JAM3: variants seen among roughly 807,000 people sequenced by gnomAD.
JAM3 encodes junctional adhesion molecule 3.
Under a neutral mutation model 39.4 loss-of-function variants are expected in JAM3, and 31 were observed. The ratio of observed to expected loss-of-function variants is 0.79; its 90% CI spans 0.59 to 1.06. JAM3 has a LOEUF of 1.06. JAM3 is among the 50% of genes least tolerant of loss of function. The pLI is 0.00. For missense variants in JAM3, 455 were observed against 391.4 expected (o/e 1.16, Z -1.37); for synonymous variants, 182 against 148.7 (o/e 1.22, Z -1.63).
chr11:134,140,795 T>C (rs1942960210), intron 3 of JAM3, 25 bp downstream of exon 3: 2 of 1,596,034 alleles, frequency 1.3e-6, no homozygotes, highest in Non-Finnish European at 8.5e-7. Context: ...TCCTCTTGCC[T>C]GCTGACCTTT....
chr11:134,126,039 TTGGC>T (rs1173960193), intron 1 of JAM3, among the ~76,000 whole-genome samples: 15 of 152,180 alleles, frequency 9.9e-5, no homozygotes, highest in Non-Finnish European at 4.4e-5. Context: ...ACACTGCTGA[TTGGC>T]TGGCTCCTCA....
At chr11:134,111,740 G>A (rs626717) in intron 1 of JAM3, among the ~76,000 whole-genome samples, 60,049 of 152,020 alleles carry the variant, frequency 0.4, 12,915 homozygotes, top group African/African-American at 0.58. Context: ...TAGAAAAAAA[G>A]TTTGCTTTCA....
intron 1 of JAM3, among the ~76,000 whole-genome samples, chr11:134,136,913 A>G (rs1942874659): frequency 6.6e-6 from 1 of 152,176 alleles, no homozygotes; most frequent in African/African-American, 2.4e-5. Flanking sequence ...GGAGATCGAG[A>G]CCATCCTGGC....
chr11:134,112,855 T>C (rs1249944707), intron 1 of JAM3, among the ~76,000 whole-genome samples: 1 of 151,998 alleles, frequency 6.6e-6, no homozygotes, highest in African/African-American at 2.4e-5. Flanking sequence ...TGGAGAGGGG[T>C]AGAGCATGAA....
intron 1 of JAM3, chr11:134,124,308 A>C (rs1335195099): frequency 2.4e-6 from 2 of 827,446 alleles, no homozygotes; most frequent in Non-Finnish European, 4.3e-6. Flanking sequence ...GGAAATCTCC[A>C]CAGGGGCTGG....
intron 1 of JAM3, 31 bp downstream of exon 1, chr11:134,069,190 C>G: frequency 1.2e-6 from 2 of 1,609,326 alleles, no homozygotes; most frequent in Non-Finnish European, 1.7e-6. Flanking sequence ...TGTTGGGAGA[C>G]TAGGGTCTGG....
Position 134,140,700 on chromosome 11 carries a change from C to T in JAM3, c.186C>T (p.Asp62=), listed in dbSNP as rs1942958312. 1 of 1,613,544 alleles carries T rather than the reference C, an allele frequency of 6.2e-7. No individual in the cohort carries two copies. Among genetic ancestry groups the T allele is most frequent in the South Asian group, 1.1e-5 (1 of 91,060 alleles). Residue 62 remains aspartate (D), a synonymous_variant, in exon 3 of 9, where the codon GAC becomes GAT. Coordinates refer to ENST00000299106, the MANE Select transcript of JAM3 (RefSeq NM_032801.5). ...SCIITDSQTS[D]PRIEWKKIQD... is the part of the protein sequence containing the mutation. ...TCATTACGGATTCGCAGACAAGTGA[C>T]CCCAGGATCGAGTGGAAGAAAATTC... is the stretch of plus-strand genomic sequence containing the variant.
intron 1 of JAM3, among the ~76,000 whole-genome samples, chr11:134,097,313 A>G (rs2120667281): frequency 1.3e-5 from 2 of 152,324 alleles, no homozygotes; most frequent in African/African-American, 4.8e-5. Flanking sequence ...AACAGTGTTT[A>G]GTGTCTGTGG....
At chr11:134,123,195 C>T (rs1202605654) in intron 1 of JAM3, among the ~76,000 whole-genome samples, 2 of 151,516 alleles carry the variant, frequency 1.3e-5, no homozygotes, top group Non-Finnish European at 2.9e-5. Context: ...ATCTATATGT[C>T]ACTGCTTTTA....
chr11:134,148,959 C>G, intron 8 of JAM3, 141 bp downstream of exon 8: 1 of 306,466 alleles, frequency 3.3e-6, no homozygotes, highest in Admixed American at 3.9e-5. Context: ...CACAGTAACA[C>G]ACACACACAC....
At chr11:134,077,220 C>A (rs988774148) in intron 1 of JAM3, among the ~76,000 whole-genome samples, 1 of 151,954 alleles carries the variant, frequency 6.6e-6, no homozygotes, top group African/African-American at 2.4e-5. Flanking sequence ...TGATGATGAG[C>A]GATGTTGAGC....
rs1040296540 is a variant in JAM3 at position 134,150,735 on chromosome 11, A to T, written c.*1554A>T. The T allele has an allele frequency of 1.3e-5, 2 of 152,070 alleles. No homozygotes were observed. The highest frequency in any genetic ancestry group is 2.9e-5 in the Non-Finnish European group (2 of 68,008). The allele number at this position is 152,070 out of a possible 1,614,324, so 9.4% of individuals were successfully genotyped here. ...GTCTGTCAAGTACAATAACATTTTT[A>T]AAAGAAAATGGATCCCACTGTTCCT... On this transcript the variant is annotated 3_prime_UTR_variant, in exon 9 of 9. Transcript: ENST00000299106.
At chr11:134,137,120 A>G (rs922950955) in intron 1 of JAM3, among the ~76,000 whole-genome samples, 1 of 148,550 alleles carries the variant, frequency 6.7e-6, no homozygotes, top group Non-Finnish European at 1.5e-5. Context: ...CTCAAAAAAA[A>G]AAAAAAAGAA....
chr11:134,079,426 G>A (rs1353051203), intron 1 of JAM3, among the ~76,000 whole-genome samples: 1 of 152,156 alleles, frequency 6.6e-6, no homozygotes, highest in Admixed American at 6.5e-5. Flanking sequence ...ACAGGATGAA[G>A]TGCTGGTTTA....
At chr11:134,076,247 C>T (rs1434476207) in intron 1 of JAM3, among the ~76,000 whole-genome samples, 2 of 150,414 alleles carry the variant, frequency 1.3e-5, no homozygotes, top group African/African-American at 4.9e-5. Context: ...TGCCACCTCC[C>T]GGGGTCAAGC....
At chr11:134,084,092 CTG>C (rs1475263166) in intron 1 of JAM3, among the ~76,000 whole-genome samples, 8 of 152,170 alleles carry the variant, frequency 5.3e-5, no homozygotes, top group African/African-American at 1.9e-4. Context: ...GTCTTTGGCT[CTG>C]TAGAATTATT....
chr11:134,146,684 C>G (rs537303468), intron 6 of JAM3, among the ~76,000 whole-genome samples: 1 of 152,266 alleles, frequency 6.6e-6, no homozygotes, highest in South Asian at 2.1e-4. Context: ...TCTCCCACCT[C>G]AGTCTCCTGA....
chr11:134,091,533 G>T (rs968028346), intron 1 of JAM3, among the ~76,000 whole-genome samples: 8 of 151,670 alleles, frequency 5.3e-5, no homozygotes, highest in African/African-American at 1.9e-4. Flanking sequence ...TAGATAGATA[G>T]ATAGATAGGC....
chr11:134,105,881 C>T (rs191736013), intron 1 of JAM3, among the ~76,000 whole-genome samples: 1,535 of 152,330 alleles, frequency 0.01, 9 homozygotes, highest in Middle Eastern at 0.037. Context: ...ATTCCATGCT[C>T]ATGGGTAGGA....
Sources: gnomAD v4.1 joint callset for allele counts (sites outside exome capture counted in the v4.1 genomes callset) on GRCh38, gnomAD v4.1.1 for gene constraint, MANE v1.5 for transcripts, NCBI Gene and HGNC (gene_info 2026-07-23, HGNC 2026-07-21) for gene names.